The following AFF3 variants were observed in gnomAD, a reference collection of about 807,000 sequenced individuals.
AFF3 encodes AF4/FMR2 family member 3.
Under a neutral mutation model 129.7 loss-of-function variants are expected in AFF3, and 32 were observed. That is an observed-to-expected ratio of 0.25 (90% confidence interval 0.19 to 0.33). The LOEUF is 0.33. Ranked by LOEUF, AFF3 falls within the 10% of genes least tolerant of loss-of-function variation. AFF3 has a pLI of 1.00. For missense variants in AFF3, 1,373 were observed against 1,592.0 expected (o/e 0.86, Z 2.34); for synonymous variants, 644 against 635.4 (o/e 1.01, Z -0.20).
intron 2 of AFF3, chr2:100,107,016 C>T: frequency 2.0e-6 from 2 of 985,420 alleles, no homozygotes; most frequent in Non-Finnish European, 2.4e-6. Context: ...AGAGTGTGTG[C>T]ACCTAAAGCA....
intron 7 of AFF3, among the ~76,000 whole-genome samples, chr2:99,948,661 C>G (rs189300815): frequency 6.6e-6 from 1 of 152,162 alleles, no homozygotes; most frequent in Non-Finnish European, 1.5e-5. Flanking sequence ...AAGAACAAAA[C>G]TTCTCCAGAC....
At chr2:99,649,813 C>A in intron 12 of AFF3, 147 bp from the exon 13 acceptor site, 1 of 799,622 alleles carries the variant, frequency 1.3e-6, no homozygotes. Context: ...AAGTAGAGAG[C>A]ACTGTTGTAA....
intron 8 of AFF3, among the ~76,000 whole-genome samples, chr2:99,761,185 CTTTTTTTT>C (rs113789471): frequency 7.2e-6 from 1 of 138,322 alleles, no homozygotes; most frequent in Non-Finnish European, 1.6e-5. Context: ...CAGGTGACTT[CTTTTTTTT>C]TTTTTTGTAT....
At chr2:99,568,813 T>G in intron 19 of AFF3, 39 bp downstream of exon 19, 1 of 1,594,242 alleles carries the variant, frequency 6.3e-7, no homozygotes, top group Admixed American at 1.7e-5. Context: ...AGTACACACA[T>G]AATTTGGAAG....
chr2:99,814,700 A>G (rs1367244456), intron 8 of AFF3, among the ~76,000 whole-genome samples: 7 of 151,856 alleles, frequency 4.6e-5, no homozygotes, highest in East Asian at 1.9e-4. Context: ...AAAATAAAAG[A>G]AGGAGAAATA....
intron 7 of AFF3, among the ~76,000 whole-genome samples, chr2:100,003,980 TAAAA>T (rs72322086): frequency 6.9e-6 from 1 of 144,894 alleles, no homozygotes; most frequent in Non-Finnish European, 1.5e-5. Context: ...CATCTTACAC[TAAAA>T]AAAAAAAAAA....
chr2:100,030,412 G>A (rs1684399787), intron 4 of AFF3, among the ~76,000 whole-genome samples: 1 of 152,158 alleles, frequency 6.6e-6, no homozygotes, highest in Non-Finnish European at 1.5e-5. Context: ...AGAGCTGGCT[G>A]GAATATAAGC....
Position 99,593,191 on chromosome 2 carries a change from C to A in AFF3, c.2466+4G>T. The A allele has an allele frequency of 6.4e-7, 1 of 1,568,400 alleles. No homozygotes were observed. Among genetic ancestry groups the A allele is most frequent in the Non-Finnish European group, 8.7e-7 (1 of 1,155,110 alleles). On this transcript the variant is annotated splice_donor_region_variant and intron_variant, in intron 15 of 24. Transcript: ENST00000672756. ...CCCCGCACCCCAGTCAGCCCCAGGC[C>A]TACCTTGCGTTTCCTCTTGGATTTT...
intron 4 of AFF3, among the ~76,000 whole-genome samples, chr2:100,085,965 G>C (rs1446222674): frequency 6.6e-6 from 1 of 152,178 alleles, no homozygotes; most frequent in Non-Finnish European, 1.5e-5. Flanking sequence ...AGGCACTGCT[G>C]TGGCAGGGCT....
At chr2:99,893,304 C>T (rs1161130825) in intron 7 of AFF3, among the ~76,000 whole-genome samples, 1 of 152,208 alleles carries the variant, frequency 6.6e-6, no homozygotes, top group African/African-American at 2.4e-5. Flanking sequence ...GAGTGTGCTA[C>T]ACAGAGCAAG....
At chr2:99,676,557 C>T (rs1256404237) in intron 11 of AFF3, among the ~76,000 whole-genome samples, 2 of 152,216 alleles carry the variant, frequency 1.3e-5, no homozygotes, top group African/African-American at 4.8e-5. Context: ...AGGGAGCCTC[C>T]AATCAATGCT....
chr2:99,629,387 T>C (rs1407161789), intron 13 of AFF3, among the ~76,000 whole-genome samples: 1 of 152,164 alleles, frequency 6.6e-6, no homozygotes, highest in African/African-American at 2.4e-5. Flanking sequence ...GAGAGCCACA[T>C]CAGGAATGCA....
intron 13 of AFF3, among the ~76,000 whole-genome samples, chr2:99,639,745 G>C (rs1290332702): frequency 6.6e-6 from 1 of 150,784 alleles, no homozygotes; most frequent in Non-Finnish European, 1.5e-5. Context: ...GAGTGCAATG[G>C]AGTGCAATCT....
At position 100,070,368 on chromosome 2, in the gene AFF3, T is replaced by C. The variant is rs574963871; in HGVS notation, c.53+34034A>G. On this transcript the variant is annotated intron_variant, in intron 4 of 24. Transcript: ENST00000672756. ...GATGTGAAACCATCGTTGCTATAAT[T>C]GTTAGAAGTAGAAATCTGAGCATTT... is the stretch of plus-strand genomic sequence containing the variant. 1.6e-4 allele frequency among the ~76,000 whole-genome samples: 25 copies of C among 152,326 alleles called. No homozygotes were observed. In the South Asian group the frequency reaches 5.2e-3, roughly 32 times the overall value.
chr2:99,920,802 A>C (rs1695807681), intron 7 of AFF3, among the ~76,000 whole-genome samples: 1 of 152,092 alleles, frequency 6.6e-6, no homozygotes, highest in African/African-American at 2.4e-5. Flanking sequence ...ATCTACAAGA[A>C]AACTACTAGA....
chr2:100,129,529 T>C (rs530492964), intron 1 of AFF3, among the ~76,000 whole-genome samples: 1 of 152,214 alleles, frequency 6.6e-6, no homozygotes, highest in South Asian at 2.1e-4. Context: ...CATGCATGCT[T>C]TTTTACAGGT....
chr2:100,044,685 C>T (rs1685694314), intron 4 of AFF3, among the ~76,000 whole-genome samples: 1 of 152,054 alleles, frequency 6.6e-6, no homozygotes, highest in South Asian at 2.1e-4. Context: ...GCCTTCAAAA[C>T]ACTAAACATA....
chr2:100,000,119 C>T lies in AFF3; in HGVS notation c.873+6513G>A, dbSNP rs13392668. ...GGAGATAAGTGATTCTACTGCTCAG[C>T]CCAATTAAACACACTATTTAATACA... On this transcript the variant is annotated intron_variant, in intron 7 of 24. Coordinates refer to ENST00000672756, the MANE Select transcript of AFF3 (RefSeq NM_001386135.1). Among the ~76,000 whole-genome samples, 784 of 152,286 alleles carry T rather than the reference C, an allele frequency of 5.1e-3. 3 individuals are homozygous for T. Among genetic ancestry groups the T allele is most frequent in the African/African-American group, 0.018 (751 of 41,540 alleles).
At position 100,046,467 on chromosome 2, in the gene AFF3, GA is replaced by G. The variant is rs1685844445; in HGVS notation, c.54-37536del. On this transcript the variant is annotated intron_variant, in intron 4 of 24. Coordinates refer to ENST00000672756, the MANE Select transcript of AFF3 (RefSeq NM_001386135.1). Reference sequence around the variant, plus strand: ...AGGGACAGGAAAGCAGTCCTCATTGGAAAACTAGGTTTCGACTGGCACTGTT... The same window carrying G: ...AGGGACAGGAAAGCAGTCCTCATTGGAAACTAGGTTTCGACTGGCACTGTT... Among the ~76,000 whole-genome samples, 3 of 152,310 alleles carry G rather than the reference GA, an allele frequency of 2.0e-5. No homozygotes were observed. The East Asian group carries it at 5.8e-4, about 29-fold the overall frequency.
Sources: allele counts gnomAD v4.1 joint callset (sites outside exome capture counted in the v4.1 genomes callset), GRCh38; gene constraint gnomAD v4.1.1; transcripts MANE v1.5; gene names NCBI Gene and HGNC (gene_info 2026-07-23, HGNC 2026-07-21).